Variants in MASP1 observed in about 807,000 individuals in gnomAD.
The protein encoded by MASP1 is MBL associated serine protease 1, also known as mannan-binding lectin serine protease 1.
MASP1 carries 59 observed loss-of-function variants against 77.1 expected under a neutral mutation model. The observed-to-expected ratio is 0.77, with a 90% CI of 0.62 to 0.95. The LOEUF is 0.95. Among genes scored for constraint, MASP1 ranks in the 40% least tolerant of loss-of-function variants. The probability of loss-of-function intolerance (pLI) is 0.00; values close to 1 mark genes in which losing one functional copy is unlikely to be tolerated. For missense variants in MASP1, 885 were observed against 912.9 expected, an observed-to-expected ratio of 0.97 and a Z score of 0.39; for synonymous variants, 362 against 354.5, an observed-to-expected ratio of 1.02 and a Z score of -0.24.
In MASP1 at chr3:187,243,632, A is replaced by G. The variant is rs201073458; in HGVS notation, c.1091-11T>C. ...CTCTACAGTCTACAACTGAGAGAGA[A>G]GAAGTGAGACCCCTCAACTGCCTTT... On this transcript the variant is annotated splice_polypyrimidine_tract_variant and intron_variant, in intron 8 of 10. Transcript: ENST00000296280. The G allele has an allele frequency of 1.1e-4, 185 of 1,614,122 alleles. No homozygotes were observed. The African/African-American group carries it at 2.3e-3, about 20-fold the overall frequency.
In MASP1 at chr3:187,291,614, C is replaced by G; in HGVS notation, c.5+14G>C. ...CCAAAAGGGAACCGTGCCCTCTCCT[C>G]CCCTGGCACGTACCTCATTTTCCTG... On this transcript the variant is annotated intron_variant, in intron 1 of 10. Coordinates refer to ENST00000296280, the MANE Select transcript of MASP1 (RefSeq NM_139125.4). 6.2e-7 allele frequency: 1 copy of G among 1,614,208 alleles called. No homozygotes were observed. The highest frequency in any genetic ancestry group is 8.5e-7 in the Non-Finnish European group (1 of 1,180,024).
intron 1 of MASP1, 58 bp downstream of exon 1, chr3:187,291,570 T>C: frequency 6.2e-7 from 1 of 1,610,986 alleles, no homozygotes; most frequent in South Asian, 1.1e-5. Flanking sequence ...AGACCTTCCC[T>C]GCTATTTGAC....
chr3:187,227,537 A>T (rs1301663540), intron 11 of MASP1, among the ~76,000 whole-genome samples: 1 of 152,042 alleles, frequency 6.6e-6, no homozygotes, highest in Non-Finnish European at 1.5e-5. Flanking sequence ...GGGGTGGGGG[A>T]GGCTGAGTAT....
chr3:187,221,825 A>AT (rs900021880), intron 14 of MASP1, among the ~76,000 whole-genome samples: 3 of 152,124 alleles, frequency 2.0e-5, no homozygotes, highest in African/African-American at 7.2e-5. Context: ...AAATATATAT[A>AT]TTTTTTGCAA....
chr3:187,289,589 C>A (rs562581889), intron 1 of MASP1, among the ~76,000 whole-genome samples: 1 of 152,234 alleles, frequency 6.6e-6, no homozygotes, highest in South Asian at 2.1e-4. Flanking sequence ...ATATTAATGC[C>A]AAAGTCCCTC....
intron 2 of MASP1, among the ~76,000 whole-genome samples, chr3:187,275,789 C>T (rs1205409541): frequency 6.6e-6 from 1 of 151,304 alleles, no homozygotes; most frequent in South Asian, 2.1e-4. Context: ...TGCCCCCACC[C>T]CCCAATCTGG....
At position 187,237,205 on chromosome 3, in the gene MASP1, T is replaced by C. The variant is rs960542559; in HGVS notation, c.1304-638A>G. ...GGTCACAATGATCTCCAGGGATCCT[T>C]CAAATTCCAGAGATCCTTTAATTTT... On this transcript the variant is annotated intron_variant, in intron 10 of 10. Transcript: ENST00000296280. Among the ~76,000 whole-genome samples the C allele has an allele frequency of 2.0e-5, 3 of 152,352 alleles. No individual in the cohort carries two copies. In the South Asian group the frequency reaches 6.2e-4, roughly 32 times the overall value.
intron 13 of MASP1, among the ~76,000 whole-genome samples, chr3:187,224,340 A>ATTTTTTTTTTTTTTTTTTTTT: frequency 9.8e-6 from 1 of 102,064 alleles, no homozygotes; most frequent in Non-Finnish European, 1.9e-5. Context: ...TGTGCTGAGT[A>ATTTTTTTTTTTTTTTTTTTTT]TTTTTTTTTT....
At chr3:187,262,265 T>C (rs1243319159) in intron 3 of MASP1, among the ~76,000 whole-genome samples, 2 of 152,208 alleles carry the variant, frequency 1.3e-5, no homozygotes, top group Non-Finnish European at 1.5e-5. Flanking sequence ...TGAACAAATA[T>C]GAAACTCTAG....
rs1713111195 is a variant in MASP1 at position 187,235,831 on chromosome 3, C to T, written c.2040G>A (p.Val680=). 1 of 1,614,240 alleles carries T rather than the reference C, an allele frequency of 6.2e-7. No homozygotes were observed. The change falls in exon 11 of 11, where the codon GTG becomes GTA. Residue 680 remains valine (V), a synonymous_variant. Coordinates refer to ENST00000296280, the MANE Select transcript of MASP1 (RefSeq NM_139125.4). Reference sequence around the variant, plus strand: ...GTCCCCCCCAGGACACCAGGCCTTGCACCACCCAGCGCTGGCTCAAGTCAT... The same window carrying T: ...GTCCCCCCCAGGACACCAGGCCTTGTACCACCCAGCGCTGGCTCAAGTCAT... The part of the protein sequence containing the change: ...IFDDLSQRWV[V]QGLVSWGGPE...
exon 12 of MASP1, chr3:187,226,486 G>A (rs1712438194): frequency 6.2e-7 from 1 of 1,612,746 alleles, no homozygotes; most frequent in East Asian, 2.2e-5. Context: ...GTGACTGGTG[G>A]AGGCAGTGTG....
At chr3:187,220,861 C>A (rs1433203416) in intron 15 of MASP1, among the ~76,000 whole-genome samples, 2 of 152,176 alleles carry the variant, frequency 1.3e-5, no homozygotes, top group African/African-American at 4.8e-5. Flanking sequence ...CTGTAAATAT[C>A]TTTTCTCCGA....
intron 9 of MASP1, 138 bp downstream of exon 9, chr3:187,243,346 G>A (rs1713811748): frequency 1.2e-6 from 1 of 855,140 alleles, no homozygotes; most frequent in South Asian, 1.4e-5. Flanking sequence ...TGAGATGTGT[G>A]AGTGACACGT....
Position 187,236,219 on chromosome 3 carries a change from T to C in MASP1, c.1652A>G (p.Asn551Ser), listed in dbSNP as rs771820649. ...LHPDFNIQNY[N>S]HDIALVQLQE... ...CAGCTGCACCAGAGCTATATCGTGG[T>C]TGTAGTTTTGGATGTTGAAGTCTGG... Residue 551 changes from asparagine to serine, a missense_variant, in exon 11 of 11, where the codon AAC becomes AGC. Asn to Ser is a conservative substitution (Grantham distance 46). Transcript: ENST00000296280. 1 of 1,614,142 alleles carries C rather than the reference T, an allele frequency of 6.2e-7. No individual in the cohort carries two copies. The highest frequency in any genetic ancestry group is 2.2e-5 in the East Asian group (1 of 44,878).
chr3:187,246,523 T>G (rs1486767039), intron 8 of MASP1: 3 of 985,462 alleles, frequency 3.0e-6, no homozygotes, highest in Non-Finnish European at 3.6e-6. Context: ...GGGCAGTCCA[T>G]TTAATGCAAA....
chr3:187,244,498 T>A (rs1298326755), intron 8 of MASP1: 1 of 152,204 alleles, frequency 6.6e-6, no homozygotes, highest in Non-Finnish European at 1.5e-5. Flanking sequence ...ATCTTAGGTA[T>A]AACAGCCTAT....
rs1713003546 is a variant in MASP1, at chr3:187,234,792, C to G, written c.*892G>C. On this transcript the variant is annotated 3_prime_UTR_variant, in exon 11 of 11. Coordinates refer to ENST00000296280, the MANE Select transcript of MASP1 (RefSeq NM_139125.4). The stretch of plus-strand genomic sequence containing the variant: ...TTTTTCCAGGTAATCGACTAAGTCC[C>G]CATATTCGGGCCTGGGCTTCAGGTA... 1 of 1,287,146 alleles carries G rather than the reference C, an allele frequency of 7.8e-7. No individual in the cohort carries two copies. The highest frequency in any genetic ancestry group is 1.0e-6 in the Non-Finnish European group (1 of 988,722). The allele number at this position is 1,287,146 out of a possible 1,614,324, so 79.7% of individuals were successfully genotyped here. A position where few individuals can be genotyped will look rare whatever the true frequency, so the allele number is the denominator to read the frequency against.
At chr3:187,239,193 A>G (rs1579488139) in intron 10 of MASP1, among the ~76,000 whole-genome samples, 1 of 139,806 alleles carries the variant, frequency 7.2e-6, no homozygotes, top group Non-Finnish European at 1.5e-5. Context: ...AAATTAAAAA[A>G]AAAAAAAAAA....
intron 2 of MASP1, among the ~76,000 whole-genome samples, chr3:187,278,652 T>A (rs767160551): frequency 5.3e-5 from 8 of 152,222 alleles, no homozygotes; most frequent in Non-Finnish European, 8.8e-5. Flanking sequence ...AATTTCTGGG[T>A]AAGTAGCCAA....
Sources: gnomAD v4.1 joint callset for allele counts (sites outside exome capture counted in the v4.1 genomes callset) on GRCh38, gnomAD v4.1.1 for gene constraint, MANE v1.5 for transcripts, NCBI Gene and HGNC (gene_info 2026-07-23, HGNC 2026-07-21) for gene names.